The following TADA2A variants were observed in gnomAD, a reference collection of about 807,000 sequenced individuals.
TADA2A encodes transcriptional adapter 2-alpha.
In TADA2A, 38 loss-of-function variants were observed where a neutral mutation model predicts 67.4. The ratio of observed to expected loss-of-function variants is 0.56; its 90% CI spans 0.44 to 0.74. The LOEUF (loss-of-function observed/expected upper bound fraction) is 0.74, where lower values mean the gene tolerates loss of function less well. Among genes scored for constraint, TADA2A ranks in the 30% least tolerant of loss-of-function variants. The probability of loss-of-function intolerance (pLI) is 0.00; values close to 1 mark genes in which losing one functional copy is unlikely to be tolerated. For synonymous variants in TADA2A, 192 were observed against 181.6 expected, an observed-to-expected ratio of 1.06 and a Z score of -0.46; for missense variants, 454 against 547.0, an observed-to-expected ratio of 0.83 and a Z score of 1.70.
intron 4 of TADA2A, among the ~76,000 whole-genome samples, chr17:37,432,313 G>A (rs955496612): frequency 1.3e-4 from 19 of 151,878 alleles, no homozygotes; most frequent in South Asian, 4.2e-4. Context: ...TATTATAGGC[G>A]TCCACCACCG....
intron 2 of TADA2A, among the ~76,000 whole-genome samples, chr17:37,416,047 T>C (rs908372375): frequency 6.6e-6 from 1 of 152,084 alleles, no homozygotes; most frequent in African/African-American, 2.4e-5. Context: ...GGCCATTTTA[T>C]GTCTCTTTTT....
intron 5 of TADA2A, among the ~76,000 whole-genome samples, chr17:37,439,906 C>A (rs898938662): frequency 2.3e-5 from 3 of 132,112 alleles, no homozygotes; most frequent in Non-Finnish European, 3.2e-5. Context: ...TTCCAGTCAT[C>A]TTTATTTATT....
chr17:37,410,383 C>G (rs1453844704), intron 1 of TADA2A, among the ~76,000 whole-genome samples: 2 of 151,268 alleles, frequency 1.3e-5, no homozygotes, highest in Non-Finnish European at 2.9e-5. Flanking sequence ...CCTATGTTGC[C>G]CAGGCTGGTC....
intron 4 of TADA2A, among the ~76,000 whole-genome samples, chr17:37,435,927 C>T: frequency 6.6e-6 from 1 of 151,944 alleles, no homozygotes. Context: ...GTTGCCCAGG[C>T]TGGTCTCAAA....
At chr17:37,411,875 C>T (rs2147896029) in intron 2 of TADA2A, among the ~76,000 whole-genome samples, 1 of 151,934 alleles carries the variant, frequency 6.6e-6, no homozygotes, top group Middle Eastern at 3.4e-3. Context: ...TATTGATTAC[C>T]CATTGAACAC....
At chr17:37,449,089 T>G (rs2053161928) in intron 8 of TADA2A, among the ~76,000 whole-genome samples, 1 of 152,088 alleles carries the variant, frequency 6.6e-6, no homozygotes, top group African/African-American at 2.4e-5. Flanking sequence ...GGCGCGATCT[T>G]GGCTCGCTGC....
intron 4 of TADA2A, among the ~76,000 whole-genome samples, chr17:37,432,149 A>G (rs569294680): frequency 6.7e-6 from 1 of 148,734 alleles, no homozygotes; most frequent in African/African-American, 2.5e-5. Flanking sequence ...GGTTTCTTTC[A>G]CTCAGCTTTT....
chr17:37,452,777 T>C (rs1483965274), intron 8 of TADA2A, among the ~76,000 whole-genome samples: 1 of 141,970 alleles, frequency 7.0e-6, no homozygotes, highest in Non-Finnish European at 1.5e-5. Context: ...TTCTGCTACC[T>C]AAAAAAAAAA....
At chr17:37,422,780 G>T (rs1043715755) in intron 2 of TADA2A, among the ~76,000 whole-genome samples, 4 of 152,120 alleles carry the variant, frequency 2.6e-5, no homozygotes, top group African/African-American at 9.7e-5. Flanking sequence ...GGAATTACAG[G>T]GTAAGCTAAT....
intron 12 of TADA2A, among the ~76,000 whole-genome samples, chr17:37,467,742 A>G (rs1180772265): frequency 1.3e-5 from 2 of 152,132 alleles, no homozygotes; most frequent in Non-Finnish European, 2.9e-5. Context: ...CAAAGGAAAG[A>G]GAGGTGCTGC....
At chr17:37,441,465 T>G (rs911828385) in intron 6 of TADA2A, among the ~76,000 whole-genome samples, 3 of 152,216 alleles carry the variant, frequency 2.0e-5, no homozygotes, top group Non-Finnish European at 4.4e-5. Flanking sequence ...TGGCGAACTT[T>G]TTAATCTCAT....
intron 9 of TADA2A, 74 bp downstream of exon 9, chr17:37,458,661 G>A: frequency 8.2e-7 from 1 of 1,222,548 alleles, no homozygotes; most frequent in East Asian, 2.5e-5. Flanking sequence ...GTGTGTGTGT[G>A]TGTGTGTGTG....
rs534343114 is a variant in TADA2A, at chr17:37,424,923, G to A, written c.132+1308G>A. 5.3e-5 allele frequency among the ~76,000 whole-genome samples: 8 copies of A among 151,828 alleles called. No homozygotes were observed. The South Asian group carries it at 1.2e-3, about 24-fold the overall frequency. ...ATCACCCAGGCTGGAGTGCAGTGGCGTGATCTCGGTTCACTGCAAGCTGTG... is the reference window on the plus strand; with the variant it reads ...ATCACCCAGGCTGGAGTGCAGTGGCATGATCTCGGTTCACTGCAAGCTGTG... On this transcript the variant is annotated intron_variant, in intron 3 of 15. Coordinates refer to ENST00000615182, the MANE Select transcript of TADA2A (RefSeq NM_001166105.3).
In TADA2A at chr17:37,411,304, T is replaced by G. The variant is rs947162818; in HGVS notation, c.-62T>G. ...AGCTTTGGTGTATGTGTTGGCCGGT[T>G]CTGAAGTCTTGAAGAAGCTCTGCTG... On this transcript the variant is annotated 5_prime_UTR_variant, in exon 2 of 16. Transcript: ENST00000615182. 2.0e-5 allele frequency: 32 copies of G among 1,574,036 alleles called. No individual in the cohort carries two copies. The highest frequency in any genetic ancestry group is 3.3e-5 in the Admixed American group (2 of 59,854).
At chr17:37,427,615 A>G (rs924759246) in intron 4 of TADA2A, among the ~76,000 whole-genome samples, 9 of 152,272 alleles carry the variant, frequency 5.9e-5, no homozygotes, top group African/African-American at 1.9e-4. Context: ...AGCCCTGGCC[A>G]TGGGAGTGGG....
At chr17:37,417,966 A>G (rs1013955888) in intron 2 of TADA2A, among the ~76,000 whole-genome samples, 4 of 152,248 alleles carry the variant, frequency 2.6e-5, no homozygotes, top group African/African-American at 9.6e-5. Flanking sequence ...TTTAGACATA[A>G]TTACAATAGA....
At chr17:37,411,228 A>G in intron 1 of TADA2A, 41 bp from the exon 2 acceptor site, 1 of 758,702 alleles carries the variant, frequency 1.3e-6, no homozygotes, top group African/African-American at 1.8e-5. Flanking sequence ...TGTCCCTTTG[A>G]ATGATTTTCT....
chr17:37,446,339 C>T (rs993043764), intron 8 of TADA2A, among the ~76,000 whole-genome samples: 5 of 152,052 alleles, frequency 3.3e-5, no homozygotes, highest in Admixed American at 3.3e-4. Flanking sequence ...ATGCAGACTG[C>T]CATTCATAGA....
At chr17:37,427,459 G>A (rs1401325599) in intron 4 of TADA2A, among the ~76,000 whole-genome samples, 1 of 152,110 alleles carries the variant, frequency 6.6e-6, no homozygotes, top group East Asian at 1.9e-4. Context: ...CTGAGAGTCA[G>A]GTTATAAAGT....
Sources: allele counts gnomAD v4.1 joint callset (sites outside exome capture counted in the v4.1 genomes callset), GRCh38; gene constraint gnomAD v4.1.1; transcripts MANE v1.5; gene names NCBI Gene and HGNC (gene_info 2026-07-23, HGNC 2026-07-21).